AGA: variants seen among roughly 807,000 people sequenced by gnomAD.
The protein encoded by AGA is N(4)-(beta-N-acetylglucosaminyl)-L-asparaginase.
In AGA, 31 loss-of-function variants were observed where a neutral mutation model predicts 40.1. The observed-to-expected ratio is 0.77, with a 90% CI of 0.58 to 1.04. AGA has a LOEUF of 1.04. Ranked by LOEUF, AGA falls within the 50% of genes least tolerant of loss-of-function variation. AGA has a pLI of 0.00. For synonymous variants in AGA, 148 were observed against 144.0 expected (o/e 1.03, Z -0.20); for missense variants, 445 against 435.4 (o/e 1.02, Z -0.20).
At chr4:177,436,649 AG>A in intron 5 of AGA, among the ~76,000 whole-genome samples, 1 of 152,346 alleles carries the variant, frequency 6.6e-6, no homozygotes, top group East Asian at 1.9e-4. Flanking sequence ...TCCATGAGCC[AG>A]GAAAACAAGC....
At chr4:177,440,513 T>G in intron 1 of AGA, 87 bp from the exon 2 acceptor site, 1 of 1,420,674 alleles carries the variant, frequency 7.0e-7, no homozygotes. Flanking sequence ...ATTTAACAAC[T>G]TTTTCACATT....
intron 7 of AGA, among the ~76,000 whole-genome samples, chr4:177,433,875 A>G (rs1736708606): frequency 6.6e-6 from 1 of 151,408 alleles, no homozygotes; most frequent in African/African-American, 2.4e-5. Context: ...TCACAGGACT[A>G]TGATTACTTA....
intron 6 of AGA, among the ~76,000 whole-genome samples, chr4:177,435,657 T>C (rs904700767): frequency 6.6e-5 from 10 of 152,088 alleles, no homozygotes; most frequent in Non-Finnish European, 1.2e-4. Context: ...CAGTCTTCCC[T>C]TGTAGTCTTA....
chr4:177,436,217 C>T, intron 6 of AGA, 59 bp downstream of exon 6: 1 of 1,397,606 alleles, frequency 7.2e-7, no homozygotes. Context: ...TAGCACCCGG[C>T]ATATATTGCT....
intron 8 of AGA, 89 bp from the exon 9 acceptor site, chr4:177,431,897 T>G: frequency 9.7e-7 from 1 of 1,029,378 alleles, no homozygotes. Flanking sequence ...GACTAGACAC[T>G]GGCTACTGTA....
chr4:177,430,966 C>A lies in AGA; in HGVS notation c.*742G>T. 2.2e-6 allele frequency: 1 copy of A among 454,016 alleles called. No homozygotes were observed. Among genetic ancestry groups the A allele is most frequent in the South Asian group, 1.6e-5 (1 of 64,474 alleles). The allele number at this position is 454,016 out of a possible 1,614,324, so 28.1% of individuals were successfully genotyped here. A position where few individuals can be genotyped will look rare whatever the true frequency, so the allele number is the denominator to read the frequency against. On this transcript the variant is annotated 3_prime_UTR_variant, in exon 9 of 9. Transcript: ENST00000264595. ...TCTAATTGCCATACCCACCTCTGCACAAGGAATTAGTAAAATTACAGTACA... is the reference window on the plus strand; with the variant it reads ...TCTAATTGCCATACCCACCTCTGCAAAAGGAATTAGTAAAATTACAGTACA...
Position 177,442,393 on chromosome 4 carries a change from A to C in AGA, c.-18T>G. 6.2e-7 allele frequency: 1 copy of C among 1,613,812 alleles called. No homozygotes were observed. The highest frequency in any genetic ancestry group is 8.5e-7 in the Non-Finnish European group (1 of 1,179,854). ...CGCGCCATCCCTGACCACCGAAGAG[A>C]CCAGCGCGAGAAAAGTCCCGGCAGC... On this transcript the variant is annotated 5_prime_UTR_variant, in exon 1 of 9. Transcript: ENST00000264595.
Position 177,440,399 on chromosome 4 carries a change from G to C in AGA, c.155C>G (p.Ser52Cys). ...GCCGCTCTCCACTGCATCCAGGGCA[G>C]AGCCTCCAGATGCTAATGCCCTCCA... The part of the protein sequence containing the change: ...AAWRALASGG[S>C]ALDAVESGCA... The change falls in exon 2 of 9, where the codon TCT (serine) becomes TGT (cysteine). Residue 52 changes from serine (S) to cysteine (C), a missense_variant. Coordinates refer to ENST00000264595, the MANE Select transcript of AGA (RefSeq NM_000027.4). 1.9e-6 allele frequency: 3 copies of C among 1,614,024 alleles called. No individual in the cohort carries two copies. The highest frequency in any genetic ancestry group is 2.5e-6 in the Non-Finnish European group (3 of 1,180,032).
intron 3 of AGA, 134 bp downstream of exon 3, chr4:177,439,440 ATC>A: frequency 1.3e-6 from 1 of 754,798 alleles, no homozygotes; most frequent in South Asian, 1.4e-5. Flanking sequence ...AAAGTTACTT[ATC>A]CAGTTCAATA....
At chr4:177,437,328 GT>G (rs1407579946) in intron 5 of AGA, 76 bp downstream of exon 5, 1 of 1,001,968 alleles carries the variant, frequency 1.0e-6, no homozygotes, top group African/African-American at 1.6e-5. Context: ...TCAACTTCTG[GT>G]AGAAGAATAG....
chr4:177,442,293 G>T lies in AGA; in HGVS notation c.83C>A (p.Pro28His), dbSNP rs755612270. 1 of 1,614,072 alleles carries T rather than the reference G, an allele frequency of 6.2e-7. No homozygotes were observed. Among genetic ancestry groups the T allele is most frequent in the South Asian group, 1.1e-5 (1 of 91,086 alleles). ...QALVRCSSPL[P>H]LVVNTWPFKN... ...AAAGGGCCAAGTGTTGACGACCAGG[G>T]GCAGAGGGCTGGAGCAGCGCACTAG... Residue 28 changes from proline (P) to histidine (H), a missense_variant, in exon 1 of 9, where the codon CCC becomes CAC. By Grantham distance (77) the Pro-to-His change is moderately conservative. Coordinates refer to ENST00000264595, the MANE Select transcript of AGA (RefSeq NM_000027.4).
rs577042663 is a variant in AGA, at chr4:177,439,502, T to C, written c.394+74A>G. On this transcript the variant is annotated intron_variant, in intron 3 of 8. Transcript: ENST00000264595. ...TTGAACTTAGATCTGGTTTTATCCA[T>C]GATTTTGTACTATTTTTCAGTGAAA... 759 of 1,105,944 alleles carry C rather than the reference T, an allele frequency of 6.9e-4. 1 individual carries two copies. The highest frequency in any genetic ancestry group is 1.6e-3 in the Middle Eastern group (8 of 5,094). 68.5% of individuals were successfully genotyped at this position (1,105,944 alleles called of 1,614,324 possible).
intron 1 of AGA, among the ~76,000 whole-genome samples, chr4:177,441,706 A>AC (rs1737019211): frequency 6.6e-6 from 1 of 152,284 alleles, no homozygotes; most frequent in East Asian, 1.9e-4. Flanking sequence ...CGGCAGGATG[A>AC]TTTTTGAGAA....
At chr4:177,439,815 G>A in intron 2 of AGA, 127 bp from the exon 3 acceptor site, 1 of 775,728 alleles carries the variant, frequency 1.3e-6, no homozygotes, top group East Asian at 2.5e-5. Flanking sequence ...AGAAGTGACA[G>A]CACATCCACG....
In AGA at chr4:177,439,646, A is replaced by C. The variant is rs1311067831; in HGVS notation, c.324T>G (p.Ile108Met). Residue 108 changes from isoleucine to methionine, a missense_variant, in exon 3 of 9, where the codon ATT (isoleucine) becomes ATG (methionine). Coordinates refer to ENST00000264595, the MANE Select transcript of AGA (RefSeq NM_000027.4). The stretch of plus-strand genomic sequence containing the variant: ...TCCGTGCCACACCAATAGCATTTTT[A>C]ATTCGTCTGAGATCTCCTACTGCTC... ...DVGAVGDLRRIKNAIGVARKV... is the reference protein window; with the variant it reads ...DVGAVGDLRRMKNAIGVARKV... The C allele has an allele frequency of 6.2e-7, 1 of 1,614,106 alleles. No individual in the cohort carries two copies. Among genetic ancestry groups the C allele is most frequent in the Middle Eastern group, 1.6e-4 (1 of 6,062 alleles).
chr4:177,431,793 T>G lies in AGA; in HGVS notation c.956A>C (p.Lys319Thr). 1.9e-6 allele frequency: 3 copies of G among 1,613,856 alleles called. No individual in the cohort carries two copies. Among genetic ancestry groups the G allele is most frequent in the Non-Finnish European group, 2.5e-6 (3 of 1,179,814 alleles). Residue 319 changes from lysine (K) to threonine (T), a missense_variant, in exon 9 of 9, where the codon AAA (lysine) becomes ACA (threonine). Lys to Thr is a moderately conservative substitution (Grantham distance 78). Transcript: ENST00000264595. ...ACTAAACTGAGTAAATGTTGAAAGT[T>G]TATTGCAAGCAGCACCTGGGGCCAA... is the stretch of plus-strand genomic sequence containing the variant. ...VTGSYGAACN[K>T]LSTFTQFSFM...
intron 6 of AGA, among the ~76,000 whole-genome samples, chr4:177,435,523 C>T: frequency 6.6e-6 from 1 of 152,148 alleles, no homozygotes; most frequent in East Asian, 1.9e-4. Context: ...TCTATTTCCG[C>T]TTCCTATGTA....
At chr4:177,434,528 G>T in intron 6 of AGA, 39 bp from the exon 7 acceptor site, 1 of 1,517,452 alleles carries the variant, frequency 6.6e-7, no homozygotes, top group Non-Finnish European at 9.2e-7. Context: ...AGGAAATCGA[G>T]TGTAAAACAC....
At position 177,431,028 on chromosome 4, in the gene AGA, C is replaced by T. The variant is rs886059259; in HGVS notation, c.*680G>A. The T allele has an allele frequency of 2.2e-6, 1 of 453,992 alleles. No individual in the cohort carries two copies. Among genetic ancestry groups the T allele is most frequent in the Non-Finnish European group, 4.4e-6 (1 of 226,750 alleles). 28.1% of individuals were successfully genotyped at this position (453,992 alleles called of 1,614,324 possible). On this transcript the variant is annotated 3_prime_UTR_variant, in exon 9 of 9. Coordinates refer to ENST00000264595, the MANE Select transcript of AGA (RefSeq NM_000027.4). ...CCAAATCATTTTTAAAAGAAACGAT[C>T]AATACTAAATATTAGCAGCTAAAAC... is the stretch of plus-strand genomic sequence containing the variant.
Sources: allele counts gnomAD v4.1 joint callset (sites outside exome capture counted in the v4.1 genomes callset), GRCh38; gene constraint gnomAD v4.1.1; transcripts MANE v1.5; gene names NCBI Gene and HGNC (gene_info 2026-07-23, HGNC 2026-07-21).